The following CNGA3 variants were observed in gnomAD, a reference collection of about 807,000 sequenced individuals.
CNGA3 encodes cyclic nucleotide gated channel subunit alpha 3, also known as cyclic nucleotide-gated channel alpha-3.
A neutral mutation model predicts 46.6 loss-of-function variants in CNGA3; 42 were observed. The ratio of observed to expected loss-of-function variants is 0.90; its 90% CI spans 0.70 to 1.17. CNGA3 has a LOEUF of 1.17. Ranked by LOEUF, CNGA3 falls within the 50% of genes most tolerant of loss-of-function variation. The probability of loss-of-function intolerance (pLI) is 0.00; values close to 1 mark genes in which losing one functional copy is unlikely to be tolerated. For synonymous variants in CNGA3, 394 were observed against 369.4 expected, an observed-to-expected ratio of 1.07 and a Z score of -0.76; for missense variants, 893 against 890.7, an observed-to-expected ratio of 1.00 and a Z score of -0.03.
In CNGA3 at chr2:98,377,773, G is replaced by A. The variant is rs756012830; in HGVS notation, c.188G>A (p.Gly63Asp). Residue 63 changes from glycine (G) to aspartate (D), a missense_variant, in exon 3 of 8, where the codon GGC becomes GAC. Transcript: ENST00000272602. ...AGAGGACTGGCTGACTCCGGGCAGG[G>A]CTCCTTCACCGGCCAGGGGATCGCC... Reference protein sequence around the residue: ...ETRGLADSGQGSFTGQGIARL... With the variant: ...ETRGLADSGQDSFTGQGIARL... The A allele has an allele frequency of 6.2e-7, 1 of 1,612,160 alleles. No individual in the cohort carries two copies. Among genetic ancestry groups the A allele is most frequent in the South Asian group, 1.1e-5 (1 of 90,688 alleles).
chr2:98,376,032 G>A (rs540786939), intron 2 of CNGA3, among the ~76,000 whole-genome samples: 154 of 152,252 alleles, frequency 1.0e-3, no homozygotes, highest in Middle Eastern at 3.4e-3. Context: ...GTGTTGGGAG[G>A]AAAGGTGAGT....
chr2:98,378,635 G>A (rs1214534326), intron 3 of CNGA3, among the ~76,000 whole-genome samples: 1 of 152,218 alleles, frequency 6.6e-6, no homozygotes, highest in Non-Finnish European at 1.5e-5. Context: ...TTGTAGCTGG[G>A]CATGTAAGTG....
Position 98,383,403 on chromosome 2 carries a change from C to A in CNGA3, c.411C>A (p.Ala137=), listed in dbSNP as rs750501296. 3.1e-6 allele frequency: 5 copies of A among 1,614,130 alleles called. No individual in the cohort carries two copies. Among genetic ancestry groups the A allele is most frequent in the Admixed American group, 1.7e-5 (1 of 60,030 alleles). Residue 137 remains alanine, a synonymous_variant, in exon 5 of 8, where the codon GCC becomes GCA. Transcript: ENST00000272602. ...ADRGRSAWPL[A]KCNTNTSNNT... is the part of the protein sequence containing the mutation. ...CTTCCCGCAGCGCCTGGCCCCTGGC[C>A]AAATGCAACACTAACACCAGCAACA...
Position 98,380,260 on chromosome 2 carries a change from C to G in CNGA3, c.301C>G (p.Arg101Gly), listed in dbSNP as rs767017804. The G allele has an allele frequency of 1.6e-5, 26 of 1,614,038 alleles. No individual in the cohort carries two copies. In the Middle Eastern group the frequency reaches 4.9e-4, roughly 31 times the overall value. The change falls in exon 4 of 8, where the codon CGT (arginine) becomes GGT (glycine). Residue 101 changes from arginine to glycine, a missense_variant. By Grantham distance (125) the Arg-to-Gly change is moderately radical. This residue lies in a region of CNGA3 where 333 missense variants were observed against 290.8 expected (regional missense o/e 1.15). Coordinates refer to ENST00000272602, the MANE Select transcript of CNGA3 (RefSeq NM_001298.3). Reference protein sequence around the residue: ...QDQGPDSFPDRFRGAELKEVS... With the variant: ...QDQGPDSFPDGFRGAELKEVS... ...CCAGGGACCGGACTCTTTTCCTGAT[C>G]GTTTCCGTGGAGCCGAGCTTAAGGA...
intron 5 of CNGA3, among the ~76,000 whole-genome samples, chr2:98,387,380 C>G (rs543886122): frequency 2.0e-5 from 3 of 152,160 alleles, no homozygotes; most frequent in Non-Finnish European, 4.4e-5. Context: ...TCAACCATGC[C>G]TTCCTTCAGC....
intron 1 of CNGA3, among the ~76,000 whole-genome samples, chr2:98,362,239 G>C (rs1692051889): frequency 7.0e-6 from 1 of 143,354 alleles, no homozygotes; most frequent in African/African-American, 2.6e-5. Context: ...GAGTGCAATG[G>C]CACTATCTCG....
At position 98,389,781 on chromosome 2, in the gene CNGA3, G is replaced by T. The variant is rs374306710; in HGVS notation, c.566+7G>T. ...GGTATCTGCTTATTTGCAGGTAAGC[G>T]ACAGGGGTGGAAGGTGCAGCGGAAA... On this transcript the variant is annotated splice_region_variant and intron_variant, in intron 6 of 7. Coordinates refer to ENST00000272602, the MANE Select transcript of CNGA3 (RefSeq NM_001298.3). 4 of 1,607,924 alleles carry T rather than the reference G, an allele frequency of 2.5e-6. No individual in the cohort carries two copies. The African/African-American group carries it at 5.3e-5, about 22-fold the overall frequency.
chr2:98,378,529 T>C (rs879257154), intron 3 of CNGA3, among the ~76,000 whole-genome samples: 8 of 152,216 alleles, frequency 5.3e-5, no homozygotes, highest in Admixed American at 2.0e-4. Flanking sequence ...AACTTTTTAC[T>C]TAAGATTATC....
chr2:98,380,086 G>T, intron 3 of CNGA3, 89 bp from the exon 4 acceptor site: 1 of 1,436,202 alleles, frequency 7.0e-7, no homozygotes. Context: ...CAGAGAGGGA[G>T]GGAGAAAGAG....
At chr2:98,350,064 T>C (rs1368920637) in intron 1 of CNGA3, among the ~76,000 whole-genome samples, 1 of 152,238 alleles carries the variant, frequency 6.6e-6, no homozygotes. Flanking sequence ...GCTTCTTTTG[T>C]CCTCCTTTGC....
intron 6 of CNGA3, among the ~76,000 whole-genome samples, chr2:98,391,305 G>A (rs1692781595): frequency 6.6e-6 from 1 of 151,968 alleles, no homozygotes; most frequent in South Asian, 2.1e-4. Context: ...GCAGGGCTGG[G>A]CACTGTTCTC....
chr2:98,350,541 C>A (rs1204311870), intron 1 of CNGA3, among the ~76,000 whole-genome samples: 1 of 152,174 alleles, frequency 6.6e-6, no homozygotes, highest in African/African-American at 2.4e-5. Context: ...CAATCTCAAC[C>A]TGAACAGCTG....
rs370899242 is a variant in CNGA3, at chr2:98,364,755, G to A, written c.-37-5184G>A. On this transcript the variant is annotated intron_variant, in intron 1 of 7. Transcript: ENST00000272602. ...TCTGTTTTTGTAGTGGCTGATAACA[G>A]TTTTTCCTTTCCATAGTTAGTGTTT... Among the ~76,000 whole-genome samples, 13 of 152,288 alleles carry A rather than the reference G, an allele frequency of 8.5e-5. No homozygotes were observed. The East Asian group carries it at 1.9e-3, about 23-fold the overall frequency.
chr2:98,380,814 G>A (rs781019612), intron 4 of CNGA3, among the ~76,000 whole-genome samples: 9 of 152,168 alleles, frequency 5.9e-5, no homozygotes, highest in East Asian at 1.9e-4. Flanking sequence ...GTAGGCACGC[G>A]TGCATTTTTC....
chr2:98,377,678 A>T lies in CNGA3; in HGVS notation c.102-9A>T, dbSNP rs1692437443. ...ATCAATTCTGCTTGCTGCATATCTG[A>T]TTTCCTAGAGCCCACTCGTCAAGTG... On this transcript the variant is annotated splice_polypyrimidine_tract_variant and intron_variant, in intron 2 of 7. Coordinates refer to ENST00000272602, the MANE Select transcript of CNGA3 (RefSeq NM_001298.3). 1 of 1,611,138 alleles carries T rather than the reference A, an allele frequency of 6.2e-7. No homozygotes were observed.
chr2:98,378,112 C>G, intron 3 of CNGA3: 1 of 1,550,836 alleles, frequency 6.4e-7, no homozygotes, highest in Non-Finnish European at 8.7e-7. Context: ...GAGCAGCCAG[C>G]CGTGGGAGAC....
At chr2:98,368,191 G>A (rs3754901) in intron 1 of CNGA3, among the ~76,000 whole-genome samples, 1 of 152,032 alleles carries the variant, frequency 6.6e-6, no homozygotes, top group Non-Finnish European at 1.5e-5. Context: ...CTGCTGAGCC[G>A]ATGGCTGCCC....
At position 98,397,253 on chromosome 2, in the gene CNGA3, T is replaced by G. The variant is rs1005395745; in HGVS notation, c.2083T>G (p.Ter695GlyextTer31). The stretch of plus-strand genomic sequence containing the variant: ...TACAAAAACAGAGGACAAACAACAG[T>G]GAAAATGCAGCATCTGTCTCCTGCT... ...DATKTEDKQQ[*>G] The change falls in exon 8 of 8, where the codon TGA becomes GGA. Residue 695 changes from the stop codon to glycine, a stop_lost. Coordinates refer to ENST00000272602, the MANE Select transcript of CNGA3 (RefSeq NM_001298.3). 1.9e-6 allele frequency: 3 copies of G among 1,613,218 alleles called. No homozygotes were observed. In the African/African-American group the frequency reaches 4.0e-5, roughly 22 times the overall value.
At chr2:98,366,229 C>T (rs1421471985) in intron 1 of CNGA3, among the ~76,000 whole-genome samples, 2 of 150,358 alleles carry the variant, frequency 1.3e-5, no homozygotes, top group Non-Finnish European at 3.0e-5. Flanking sequence ...GGAGGTGTTA[C>T]CAGTGGAGGC....
Sources: gnomAD v4.1 joint callset for allele counts (sites outside exome capture counted in the v4.1 genomes callset) on GRCh38, gnomAD v4.1.1 for gene constraint, gnomAD v4.1.1 regional missense constraint, MANE v1.5 for transcripts, NCBI Gene and HGNC (gene_info 2026-07-23, HGNC 2026-07-21) for gene names.